DGKG: variants seen among roughly 807,000 people sequenced by gnomAD.
DGKG encodes the protein DAG kinase gamma.
Under a neutral mutation model 105.3 loss-of-function variants are expected in DGKG, and 78 were observed. The observed-to-expected ratio is 0.74, with a 90% confidence interval of 0.62 to 0.89. The LOEUF is 0.89. Among genes scored for constraint, DGKG ranks in the 40% least tolerant of loss-of-function variants. The pLI is 0.00. For missense variants in DGKG, 958 were observed against 1,020.1 expected (o/e 0.94, Z 0.83); for synonymous variants, 346 against 367.1 (o/e 0.94, Z 0.66).
At chr3:186,208,370 C>T (rs140707423) in intron 21 of DGKG, among the ~76,000 whole-genome samples, 3 of 151,874 alleles carry the variant, frequency 2.0e-5, no homozygotes, top group Non-Finnish European at 4.4e-5. Flanking sequence ...GGAAACCTTC[C>T]CTGCAGTCTC....
At chr3:186,265,222 A>C in intron 14 of DGKG, 25 bp downstream of exon 14, 2 of 1,613,226 alleles carry the variant, frequency 1.2e-6, no homozygotes, top group Non-Finnish European at 1.7e-6. Flanking sequence ...AGAAGGTGCA[A>C]TCGGATTTAG....
chr3:186,273,252 A>G (rs1722404099), intron 10 of DGKG, among the ~76,000 whole-genome samples: 1 of 151,840 alleles, frequency 6.6e-6, no homozygotes, highest in South Asian at 2.1e-4. Flanking sequence ...TGTTTTTACT[A>G]CCATTATGTG....
chr3:186,265,365 G>C, intron 13 of DGKG, 59 bp from the exon 14 acceptor site: 1 of 1,498,212 alleles, frequency 6.7e-7, no homozygotes, highest in Non-Finnish European at 9.3e-7. Context: ...CACAAAGAAA[G>C]AGATCAGATG....
intron 7 of DGKG, chr3:186,281,362 G>T (rs1722821169): frequency 6.6e-6 from 1 of 152,314 alleles, no homozygotes; most frequent in South Asian, 2.1e-4. Context: ...TGGTACTGAG[G>T]CCAGGCTCCA....
At chr3:186,235,046 A>G (rs1269010839) in intron 20 of DGKG, among the ~76,000 whole-genome samples, 11 of 152,210 alleles carry the variant, frequency 7.2e-5, no homozygotes, top group Admixed American at 7.2e-4. Flanking sequence ...TGATGAAAAA[A>G]ACATGAACCC....
intron 1 of DGKG, among the ~76,000 whole-genome samples, chr3:186,355,648 C>T (rs985465656): frequency 1.6e-4 from 24 of 151,832 alleles, no homozygotes; most frequent in African/African-American, 5.6e-4. Context: ...TCACCAGCAC[C>T]ACCACCAGCA....
At chr3:186,263,106 G>A (rs1176493188) in intron 14 of DGKG, among the ~76,000 whole-genome samples, 1 of 151,174 alleles carries the variant, frequency 6.6e-6, no homozygotes, top group Non-Finnish European at 1.5e-5. Flanking sequence ...CAGCCTGGGC[G>A]ACAGAGCAAG....
chr3:186,150,239 C>T lies in DGKG; in HGVS notation c.2278-51G>A, dbSNP rs746027362. ...TTAGTGGCATGCAAATCTCAGTAGC[C>T]TAAGGGAGAGTGAGTCGCAGAGAAA... is the stretch of plus-strand genomic sequence containing the variant. On this transcript the variant is annotated intron_variant, in intron 24 of 24. Transcript: ENST00000265022. 12 of 1,569,242 alleles carry T rather than the reference C, an allele frequency of 7.6e-6. No individual in the cohort carries two copies. In the East Asian group the frequency reaches 2.1e-4, roughly 27 times the overall value.
intron 19 of DGKG, among the ~76,000 whole-genome samples, chr3:186,251,470 A>G (rs1176917518): frequency 2.0e-5 from 3 of 152,160 alleles, no homozygotes; most frequent in African/African-American, 7.2e-5. Context: ...GACTGCTACA[A>G]ATTGCAGAAG....
chr3:186,243,895 G>GT (rs34134152), intron 19 of DGKG, among the ~76,000 whole-genome samples: 13,713 of 116,218 alleles, frequency 0.12, 1,659 homozygotes, highest in Middle Eastern at 0.21. Flanking sequence ...AAATTTCTGT[G>GT]TTTTTTTTTT....
rs115428099 is a variant in DGKG at position 186,212,344 on chromosome 3, G to A, written c.1827-459C>T. Among the ~76,000 whole-genome samples, 1,035 of 152,318 alleles carry A rather than the reference G, an allele frequency of 6.8e-3. 9 individuals carry two copies. Among genetic ancestry groups the A allele is most frequent in the African/African-American group, 0.024 (989 of 41,560 alleles). ...GGATGTGCAGTCTTAGGACAGAGGA[G>A]GGATAGCCCCACACTAACCCAGCTA... On this transcript the variant is annotated intron_variant, in intron 20 of 24. Transcript: ENST00000265022.
chr3:186,345,478 G>T (rs1468767961), intron 1 of DGKG, among the ~76,000 whole-genome samples: 1 of 151,886 alleles, frequency 6.6e-6, no homozygotes, highest in Admixed American at 6.6e-5. Context: ...TTAATATTTA[G>T]TTTGCTGCAT....
In DGKG at chr3:186,164,922, G is replaced by T; in HGVS notation, c.2192C>A (p.Ala731Asp). The change falls in exon 23 of 25, where the codon GCC (alanine) becomes GAC (aspartate). Residue 731 changes from alanine (A) to aspartate (D), a missense_variant. Around this residue, in one of 2 missense-constraint regions of DGKG, gnomAD observed 315 missense variants for 400.6 expected, o/e 0.79. Transcript: ENST00000265022. The part of the protein sequence containing the change: ...TGLKSAGRRL[A>D]QCASVTIRTN... ...CCTGATGGTGACAGAGGCGCACTGGGCCAGCCTCCTGCCTGCACTCTTCAG... is the reference window on the plus strand; with the variant it reads ...CCTGATGGTGACAGAGGCGCACTGGTCCAGCCTCCTGCCTGCACTCTTCAG... 1 of 1,613,644 alleles carries T rather than the reference G, an allele frequency of 6.2e-7. No homozygotes were observed. Among genetic ancestry groups the T allele is most frequent in the Non-Finnish European group, 8.5e-7 (1 of 1,179,870 alleles).
chr3:186,304,216 G>A (rs927224903), intron 3 of DGKG, among the ~76,000 whole-genome samples: 3 of 152,254 alleles, frequency 2.0e-5, no homozygotes, highest in Non-Finnish European at 4.4e-5. Context: ...AGCAGCCGCC[G>A]CCAGGCTTTG....
Position 186,243,895 on chromosome 3 carries a change from G to GTTTTTTTTTTTTTTTT in DGKG, c.1762-1343_1762-1328dup, listed in dbSNP as rs34134152. ...CTATTTCTTATATGAAAATTTCTGT[G>GTTTTTTTTTTTTTTTT]TTTTTTTTTTTTTTTTTTGAGATGG... On this transcript the variant is annotated intron_variant, in intron 19 of 24. Coordinates refer to ENST00000265022, the MANE Select transcript of DGKG (RefSeq NM_001346.3). Among the ~76,000 whole-genome samples the GTTTTTTTTTTTTTTTT allele has an allele frequency of 4.1e-4, 48 of 116,324 alleles. 1 individual carries two copies. The highest frequency in any genetic ancestry group is 1.5e-3 in the African/African-American group (41 of 27,564). 76.3% of individuals were successfully genotyped at this position (116,324 alleles called of 152,430 possible). A position where few individuals can be genotyped will look rare whatever the true frequency, so the allele number is the denominator to read the frequency against.
At chr3:186,353,624 CTATCTA>C (rs1423667678) in intron 1 of DGKG, among the ~76,000 whole-genome samples, 14 of 128,626 alleles carry the variant, frequency 1.1e-4, no homozygotes, top group African/African-American at 2.0e-4. Context: ...TATAGACTCT[CTATCTA>C]TATCTATATC....
At chr3:186,283,480 C>T (rs1344342425) in intron 7 of DGKG, among the ~76,000 whole-genome samples, 1 of 152,142 alleles carries the variant, frequency 6.6e-6, no homozygotes, top group Non-Finnish European at 1.5e-5. Flanking sequence ...ATGCCCCCTC[C>T]TAGAGAGGCC....
intron 22 of DGKG, among the ~76,000 whole-genome samples, chr3:186,175,429 T>C (rs1253289691): frequency 6.6e-6 from 1 of 152,208 alleles, no homozygotes; most frequent in Non-Finnish European, 1.5e-5. Flanking sequence ...TCTGGGATTC[T>C]CCAGGGCTCC....
intron 2 of DGKG, among the ~76,000 whole-genome samples, chr3:186,312,262 GA>G (rs1291652553): frequency 6.6e-6 from 1 of 151,186 alleles, no homozygotes; most frequent in African/African-American, 2.4e-5. Context: ...TATGAGAGTG[GA>G]ATTCTAAGGT....
Sources: allele counts gnomAD v4.1 joint callset (sites outside exome capture counted in the v4.1 genomes callset), GRCh38; gene constraint gnomAD v4.1.1; regional missense constraint gnomAD v4.1.1; transcripts MANE v1.5; gene names NCBI Gene and HGNC (gene_info 2026-07-23, HGNC 2026-07-21).